CACNB2: variants seen among roughly 807,000 people sequenced by gnomAD.
CACNB2 encodes the protein calcium voltage-gated channel auxiliary subunit beta 2, also known as voltage-dependent L-type calcium channel subunit beta-2.
In CACNB2, 42 loss-of-function variants were observed where a neutral mutation model predicts 73.3. The ratio of observed to expected loss-of-function variants is 0.57; its 90% confidence interval spans 0.45 to 0.74. The LOEUF (loss-of-function observed/expected upper bound fraction) is 0.74, where lower values mean the gene tolerates loss of function less well. Among genes scored for constraint, CACNB2 ranks in the 30% least tolerant of loss-of-function variants. The pLI is 0.00. For synonymous variants in CACNB2, 348 were observed against 310.3 expected (o/e 1.12, Z -1.28); for missense variants, 940 against 853.0 (o/e 1.10, Z -1.27).
intron 3 of CACNB2, among the ~76,000 whole-genome samples, chr10:18,427,141 C>CAGTGTTTAGTAG (rs1195398815): frequency 1.3e-5 from 2 of 151,800 alleles, no homozygotes. Flanking sequence ...TTTTAGTAGA[C>CAGTGTTTAGTAG]ACAGTGTTTC....
intron 3 of CACNB2, among the ~76,000 whole-genome samples, chr10:18,459,664 A>G (rs2047460805): frequency 6.6e-6 from 1 of 152,136 alleles, no homozygotes; most frequent in Non-Finnish European, 1.5e-5. Flanking sequence ...AATGTTCTAG[A>G]TATGTTATGT....
intron 2 of CACNB2, among the ~76,000 whole-genome samples, chr10:18,266,064 C>T (rs777515237): frequency 2.0e-5 from 3 of 152,086 alleles, no homozygotes; most frequent in African/African-American, 7.2e-5. Context: ...GTATATATAC[C>T]GTAACTTAAG....
At chr10:18,354,306 G>A (rs1564461719) in intron 2 of CACNB2, among the ~76,000 whole-genome samples, 1 of 152,076 alleles carries the variant, frequency 6.6e-6, no homozygotes, top group Non-Finnish European at 1.5e-5. Context: ...CTGCTTGCCT[G>A]TCTTGGGAAG....
At chr10:18,383,057 C>G (rs759270746) in intron 2 of CACNB2, among the ~76,000 whole-genome samples, 7 of 152,116 alleles carry the variant, frequency 4.6e-5, no homozygotes, top group Admixed American at 1.3e-4. Context: ...AGGAAATATG[C>G]ATGTTATATT....
chr10:18,276,567 G>T (rs1345588910), intron 2 of CACNB2, among the ~76,000 whole-genome samples: 1 of 150,800 alleles, frequency 6.6e-6, no homozygotes, highest in Non-Finnish European at 1.5e-5. Flanking sequence ...CAGAGCTTTG[G>T]GAGGCCAAGG....
chr10:18,276,638 G>A (rs1399580982), intron 2 of CACNB2, among the ~76,000 whole-genome samples: 2 of 152,090 alleles, frequency 1.3e-5, no homozygotes, highest in African/African-American at 4.8e-5. Flanking sequence ...AAGTGAAGTG[G>A]TGTGATCTTG....
At chr10:18,342,767 A>T (rs1373798655) in intron 2 of CACNB2, among the ~76,000 whole-genome samples, 1 of 152,138 alleles carries the variant, frequency 6.6e-6, no homozygotes, top group African/African-American at 2.4e-5. Context: ...TCCAATAATG[A>T]CAGAAATTCT....
intron 3 of CACNB2, among the ~76,000 whole-genome samples, chr10:18,462,098 A>T (rs2047612471): frequency 6.6e-6 from 1 of 152,172 alleles, no homozygotes; most frequent in Non-Finnish European, 1.5e-5. Flanking sequence ...TTCTTGCATG[A>T]GATTCCCAGC....
At chr10:18,515,642 C>A (rs1564639615) in intron 7 of CACNB2, among the ~76,000 whole-genome samples, 1 of 152,190 alleles carries the variant, frequency 6.6e-6, no homozygotes, top group Non-Finnish European at 1.5e-5. Context: ...AATTGCAACA[C>A]TTGGATTTTT....
At chr10:18,481,180 A>G (rs377467139) in intron 3 of CACNB2, among the ~76,000 whole-genome samples, 1 of 112,000 alleles carries the variant, frequency 8.9e-6, no homozygotes, top group Non-Finnish European at 1.7e-5. Flanking sequence ...AACTGATAAT[A>G]TTACATCTTC....
At chr10:18,164,004 G>A (rs1228915586) in intron 2 of CACNB2, among the ~76,000 whole-genome samples, 1 of 152,326 alleles carries the variant, frequency 6.6e-6, no homozygotes, top group South Asian at 2.1e-4. Context: ...CTTCAGAGAT[G>A]TTTTGAGGGC....
intron 3 of CACNB2, among the ~76,000 whole-genome samples, chr10:18,432,291 C>G (rs752183669): frequency 6.6e-6 from 1 of 152,036 alleles, no homozygotes; most frequent in Non-Finnish European, 1.5e-5. Context: ...AATCTGTCAC[C>G]CAAAAGCTTC....
At chr10:18,145,914 G>T (rs893260237) in intron 1 of CACNB2, among the ~76,000 whole-genome samples, 23 of 152,052 alleles carry the variant, frequency 1.5e-4, no homozygotes, top group African/African-American at 5.6e-4. Context: ...CCCTGCCTGT[G>T]CTCCTCCTTA....
At chr10:18,533,092 T>C (rs1159167856) in intron 10 of CACNB2, 2 of 152,110 alleles carry the variant, frequency 1.3e-5, no homozygotes, top group East Asian at 3.9e-4. Context: ...CTGGCAAGAA[T>C]CCAACGGCCT....
chr10:18,202,902 A>G (rs2034944379), intron 2 of CACNB2, among the ~76,000 whole-genome samples: 2 of 152,190 alleles, frequency 1.3e-5, no homozygotes, highest in African/African-American at 4.8e-5. Flanking sequence ...ACACTGTATA[A>G]TTCAGTCAGT....
At chr10:18,307,982 ACTT>A (rs2039801647) in intron 2 of CACNB2, among the ~76,000 whole-genome samples, 1 of 52,682 alleles carries the variant, frequency 1.9e-5, no homozygotes, top group African/African-American at 9.1e-5. Context: ...ATATATGCCA[ACTT>A]TTTTTTTTTT....
intron 3 of CACNB2, among the ~76,000 whole-genome samples, chr10:18,461,502 G>T (rs2047573944): frequency 6.6e-6 from 1 of 151,510 alleles, no homozygotes; most frequent in African/African-American, 2.4e-5. Context: ...TAAGCCAGTG[G>T]TCCCCAACCT....
chr10:18,422,384 GGATTAAAAA>G (rs1237100564), intron 3 of CACNB2, among the ~76,000 whole-genome samples: 1 of 152,102 alleles, frequency 6.6e-6, no homozygotes, highest in Non-Finnish European at 1.5e-5. Flanking sequence ...CTTTTTCCCT[GGATTAAAAA>G]GAAACCATTT....
intron 3 of CACNB2, among the ~76,000 whole-genome samples, chr10:18,413,872 T>G (rs1418986654): frequency 3.3e-5 from 5 of 152,236 alleles, no homozygotes; most frequent in Non-Finnish European, 7.3e-5. Flanking sequence ...CTCTAGCCCT[T>G]GTGATGGGCA....
Sources: allele counts gnomAD v4.1 joint callset (sites outside exome capture counted in the v4.1 genomes callset), GRCh38; gene constraint gnomAD v4.1.1; transcripts MANE v1.5; gene names NCBI Gene and HGNC (gene_info 2026-07-23, HGNC 2026-07-21).